RPS24: variants seen among roughly 807,000 people sequenced by gnomAD.
RPS24 encodes the protein ribosomal protein S24, also known as small ribosomal subunit protein eS24.
For synonymous variants in RPS24, 72 were observed against 55.6 expected (o/e 1.30, Z -1.31); for missense variants, 100 against 162.5 (o/e 0.62, Z 2.09).
chr10:78,040,222 A>G lies in RPS24; in HGVS notation c.*16A>G. ...GATTCAGTGAGCTGGAGATTGGATC[A>G]CAGGTATAATTCAAGCTTTTCATGT... On this transcript the variant is annotated 3_prime_UTR_variant, in exon 5 of 6. Transcript: ENST00000372360. The G allele has an allele frequency of 6.2e-7, 1 of 1,613,404 alleles. No individual in the cohort carries two copies. The highest frequency in any genetic ancestry group is 1.3e-5 in the African/African-American group (1 of 74,960).
intron 3 of RPS24, 41 bp downstream of exon 3, chr10:78,035,761 A>C: frequency 2.7e-6 from 4 of 1,498,348 alleles, no homozygotes; most frequent in Non-Finnish European, 3.7e-6. Context: ...CTGAAGACCT[A>C]TTTTTTCAAT....
Position 78,040,639 on chromosome 10 carries a change from G to GAT in RPS24, c.*45_*46dup. The GAT allele has an allele frequency of 4.3e-6, 7 of 1,614,026 alleles. No homozygotes were observed. The highest frequency in any genetic ancestry group is 5.9e-6 in the Non-Finnish European group (7 of 1,179,850). ...GCCGAAGGAGTAAAGGTGCTGCAAT[G>GAT]ATGTTAGCTGTGGCCACTGTGGATT... On this transcript the variant is annotated 3_prime_UTR_variant, in exon 6 of 6. Coordinates refer to ENST00000372360, the MANE Select transcript of RPS24 (RefSeq NM_033022.4).
chr10:78,049,487 C>T (rs988152306), intron 4 of RPS24, among the ~76,000 whole-genome samples: 9 of 152,200 alleles, frequency 5.9e-5, no homozygotes, highest in Admixed American at 1.3e-4. Flanking sequence ...CCTGTAAGAA[C>T]CCCCTGGATG....
downstream of RPS24, among the ~76,000 whole-genome samples, chr10:78,044,473 T>TA (rs946394645): frequency 6.6e-5 from 10 of 152,240 alleles, no homozygotes; most frequent in African/African-American, 2.2e-4. Context: ...TGGTGGGAGA[T>TA]ACTCCATTTC....
At chr10:78,035,819 G>A in intron 3 of RPS24, 99 bp downstream of exon 3, 1 of 937,978 alleles carries the variant, frequency 1.1e-6, no homozygotes, top group Non-Finnish European at 1.7e-6. Context: ...AAGCAATCTG[G>A]GATACAACTC....
chr10:78,040,107 A>ATGCAATCAGGTAC, intron 4 of RPS24, 97 bp from the exon 5 acceptor site: 1 of 1,134,844 alleles, frequency 8.8e-7, no homozygotes, highest in Non-Finnish European at 1.3e-6. Context: ...GATTGCATGC[A>ATGCAATCAGGTAC]CTTAAATGCA....
intron 1 of RPS24, chr10:78,034,296 G>T: frequency 3.1e-6 from 1 of 323,796 alleles, no homozygotes; most frequent in Non-Finnish European, 5.8e-6. Context: ...GAAGGTGCGG[G>T]CAGCGCCTGG....
chr10:78,047,046 C>T (rs12761164), intron 4 of RPS24, among the ~76,000 whole-genome samples: 80 of 151,960 alleles, frequency 5.3e-4, no homozygotes, highest in Admixed American at 2.5e-3. Context: ...CTGCAACCTC[C>T]GCCTCCTGGG....
intron 1 of RPS24, 96 bp downstream of exon 1, chr10:78,034,000 G>T (rs1847799828): frequency 8.7e-6 from 13 of 1,492,598 alleles, no homozygotes; most frequent in African/African-American, 2.7e-5. Context: ...CGCGAAGCCC[G>T]GTTGCTCTTC....
At chr10:78,037,644 C>G (rs1463771982) in intron 4 of RPS24, 10 of 329,726 alleles carry the variant, frequency 3.0e-5, no homozygotes, top group South Asian at 1.6e-4. Flanking sequence ...GGATCCCATT[C>G]CCTGTGATTT....
intron 4 of RPS24, chr10:78,048,899 G>A (rs1479362967): frequency 7.0e-6 from 1 of 143,420 alleles, no homozygotes; most frequent in Non-Finnish European, 1.5e-5. Context: ...AAAAAAAATT[G>A]CCCAACCCAT....
At chr10:78,045,139 C>T (rs1371047705), downstream of RPS24, among the ~76,000 whole-genome samples, 1 of 152,028 alleles carries the variant, frequency 6.6e-6, no homozygotes, top group Non-Finnish European at 1.5e-5. Flanking sequence ...AGGCATGTGC[C>T]ACCATACCTG....
downstream of RPS24, among the ~76,000 whole-genome samples, chr10:78,044,086 G>A (rs1313688637): frequency 6.6e-6 from 1 of 151,298 alleles, no homozygotes; most frequent in Non-Finnish European, 1.5e-5. Context: ...CCTAAATTAT[G>A]AACTTTAATT....
downstream of RPS24, among the ~76,000 whole-genome samples, chr10:78,044,750 G>T (rs1443063520): frequency 6.7e-6 from 1 of 150,088 alleles, no homozygotes; most frequent in Non-Finnish European, 1.5e-5. Flanking sequence ...GGAGAGGTCA[G>T]CGGAGAATAA....
intron 4 of RPS24, among the ~76,000 whole-genome samples, chr10:78,051,462 G>T (rs1242931653): frequency 6.6e-6 from 1 of 152,180 alleles, no homozygotes; most frequent in African/African-American, 2.4e-5. Context: ...TCCCTTGTGT[G>T]GATTTACCAC....
At chr10:78,052,415 C>T (rs1037135116) in intron 4 of RPS24, among the ~76,000 whole-genome samples, 2 of 152,100 alleles carry the variant, frequency 1.3e-5, no homozygotes, top group African/African-American at 4.8e-5. Flanking sequence ...TTATTGAGTG[C>T]CTACTATTCA....
chr10:78,045,026 T>G (rs1247309061), downstream of RPS24, among the ~76,000 whole-genome samples: 1 of 152,080 alleles, frequency 6.6e-6, no homozygotes, highest in Admixed American at 6.6e-5. Context: ...TTCACTCTTG[T>G]TGCCCCGGCT....
At chr10:78,044,907 G>A (rs75183871), downstream of RPS24, among the ~76,000 whole-genome samples, 1,287 of 151,924 alleles carry the variant, frequency 8.5e-3, 19 homozygotes, top group African/African-American at 0.029. Context: ...GAAATACTTT[G>A]GCAACGCTCT....
intron 4 of RPS24, among the ~76,000 whole-genome samples, chr10:78,052,317 C>A (rs7072933): frequency 0.032 from 4,844 of 152,180 alleles, 283 homozygotes; most frequent in African/African-American, 0.11. Flanking sequence ...ACCGCCACCA[C>A]CCCCGGCTTA....
Sources: allele counts gnomAD v4.1 joint callset (sites outside exome capture counted in the v4.1 genomes callset), GRCh38; gene constraint gnomAD v4.1.1; transcripts MANE v1.5; gene names NCBI Gene and HGNC (gene_info 2026-07-23, HGNC 2026-07-21).